Variants in KRT37 observed in about 807,000 individuals in gnomAD.
KRT37 encodes the protein keratin, type I cuticular Ha7.
KRT37 carries 38 observed loss-of-function variants against 41.9 expected under a neutral mutation model. The observed-to-expected ratio is 0.91, with a 90% CI of 0.70 to 1.19. The LOEUF (loss-of-function observed/expected upper bound fraction) is 1.19. KRT37 is among the 50% of genes most tolerant of loss of function. KRT37 has a pLI of 0.00. For synonymous variants in KRT37, 252 were observed against 243.4 expected (o/e 1.04, Z -0.33); for missense variants, 580 against 575.5 (o/e 1.01, Z -0.08).
rs72485487 is a variant in KRT37, at chr17:41,424,564, G to T, written c.-41C>A. 35 of 1,525,570 alleles carry T rather than the reference G, an allele frequency of 2.3e-5. No individual in the cohort carries two copies. In the East Asian group the frequency reaches 7.7e-4, roughly 34 times the overall value. The allele number at this position is 1,525,570 out of a possible 1,614,324, so 94.5% of individuals were successfully genotyped here. On this transcript the variant is annotated 5_prime_UTR_variant, in exon 1 of 7. Coordinates refer to ENST00000225550, the MANE Select transcript of KRT37 (RefSeq NM_003770.5). Reference sequence around the variant, plus strand: ...CTGCACAGGAGCTTCAGATCAGCTGGGAAGGCTGAGCCACTGAGACTGAAG... The same window carrying T: ...CTGCACAGGAGCTTCAGATCAGCTGTGAAGGCTGAGCCACTGAGACTGAAG...
rs556300252 is a variant in KRT37, at chr17:41,422,854, A to C, written c.656T>G (p.Leu219Arg). The C allele has an allele frequency of 1.2e-6, 2 of 1,614,110 alleles. No homozygotes were observed. Among genetic ancestry groups the C allele is most frequent in the Admixed American group, 3.3e-5 (2 of 60,026 alleles). Residue 219 changes from leucine to arginine, a missense_variant, in exon 3 of 7, where the codon CTG becomes CGG. Coordinates refer to ENST00000225550, the MANE Select transcript of KRT37 (RefSeq NM_003770.5). ...CTGGGCCTCCAGGTCGGCCTTGGCC[A>C]GGGTCGCGTCATCCAGGAGCTTCTG... ...GTQKLLDDAT[L>R]AKADLEAQQE...
In KRT37 at chr17:41,422,777, C is replaced by G. The variant is rs554203988; in HGVS notation, c.732+1G>C. 6.3e-7 allele frequency: 1 copy of G among 1,595,392 alleles called. No homozygotes were observed. The highest frequency in any genetic ancestry group is 1.3e-5 in the African/African-American group (1 of 74,906). On this transcript the variant is annotated splice_donor_variant, in intron 3 of 6. Transcript: ENST00000225550. LOFTEE classifies it high-confidence loss of function. ...AGGAGTCTGAGCAGCCAGGGCCACA[C>G]CTGCTCGTGGTTGCTCTTGAGGGAG...
Position 41,424,317 on chromosome 17 carries a change from C to T in KRT37, c.207G>A (p.Leu69=), listed in dbSNP as rs775355067. The change falls in exon 1 of 7, where the codon CTG becomes CTA. Residue 69 remains leucine (L), a synonymous_variant. Transcript: ENST00000225550. ...STPLGRPSLC[L]PPTSHTACPL... is the part of the protein sequence containing the mutation. ...GACAAGCAGTGTGACTGGTTGGGGGCAGACAGAGGCTGGGGCGGCCCAGGG... is the reference window on the plus strand; with the variant it reads ...GACAAGCAGTGTGACTGGTTGGGGGTAGACAGAGGCTGGGGCGGCCCAGGG... The T allele has an allele frequency of 3.7e-6, 6 of 1,614,104 alleles. No homozygotes were observed. The East Asian group carries it at 1.3e-4, about 36-fold the overall frequency.
At position 41,421,431 on chromosome 17, in the gene KRT37, C is replaced by A. The variant is rs141724873; in HGVS notation, c.1177G>T (p.Val393Leu). Reference sequence around the variant, plus strand: ...ATCTCGTTCTCCAACCGGGCCTTCACGTCCAGCAGCACCTGGTACTCCTGG... The same window carrying A: ...ATCTCGTTCTCCAACCGGGCCTTCAAGTCCAGCAGCACCTGGTACTCCTGG... ...QNQEYQVLLD[V>L]KARLENEIAT... The change falls in exon 6 of 7, where the codon GTG becomes TTG. Residue 393 changes from valine to leucine, a missense_variant. Physicochemically the swap from Val to Leu is conservative, Grantham distance 32 (BLOSUM62 1). Coordinates refer to ENST00000225550, the MANE Select transcript of KRT37 (RefSeq NM_003770.5). 7 of 1,614,236 alleles carry A rather than the reference C, an allele frequency of 4.3e-6. No individual in the cohort carries two copies. The South Asian group carries it at 6.6e-5, about 15-fold the overall frequency.
rs200793398 is a variant in KRT37 at position 41,424,275 on chromosome 17, A to G, written c.249T>C (p.Cys83=). The G allele has an allele frequency of 1.9e-5, 30 of 1,614,100 alleles. No individual in the cohort carries two copies. Among genetic ancestry groups the G allele is most frequent in the South Asian group, 2.2e-5 (2 of 91,088 alleles). ...AGATTCCGATGTTGCCGGGAATGTGACAGGTCCCTGGCAAGGGACAAGCAG... is the reference window on the plus strand; with the variant it reads ...AGATTCCGATGTTGCCGGGAATGTGGCAGGTCCCTGGCAAGGGACAAGCAG... The part of the protein sequence containing the change: ...SHTACPLPGT[C]HIPGNIGICG... Residue 83 remains cysteine, a synonymous_variant, in exon 1 of 7, where the codon TGT becomes TGC. Coordinates refer to ENST00000225550, the MANE Select transcript of KRT37 (RefSeq NM_003770.5).
Position 41,420,838 on chromosome 17 carries a change from A to G in KRT37, c.*40T>C, listed in dbSNP as rs745698408. The G allele has an allele frequency of 1.4e-6, 2 of 1,414,276 alleles. No homozygotes were observed. Among genetic ancestry groups the G allele is most frequent in the Admixed American group, 3.4e-5 (2 of 58,824 alleles). The allele number at this position is 1,414,276 out of a possible 1,614,324, so 87.6% of individuals were successfully genotyped here. ...GCAAGGTGAGGGCACTCCTGACCCCAGTGCAACCAGCCTCAATCTCCTAAC... is the reference window on the plus strand; with the variant it reads ...GCAAGGTGAGGGCACTCCTGACCCCGGTGCAACCAGCCTCAATCTCCTAAC... On this transcript the variant is annotated 3_prime_UTR_variant, in exon 7 of 7. Coordinates refer to ENST00000225550, the MANE Select transcript of KRT37 (RefSeq NM_003770.5).
At chr17:41,421,285 C>A in intron 6 of KRT37, 82 bp downstream of exon 6, 1 of 1,424,794 alleles carries the variant, frequency 7.0e-7, no homozygotes, top group Non-Finnish European at 9.8e-7. Context: ...AAGATGATAT[C>A]TTCTGCAAGC....
chr17:41,422,961 A>G (rs369109878), intron 2 of KRT37, 27 bp from the exon 3 acceptor site: 3 of 1,602,196 alleles, frequency 1.9e-6, no homozygotes, highest in Non-Finnish European at 2.6e-6. Context: ...CACAGGGTCA[A>G]AAAGAATGCC....
intron 5 of KRT37, 35 bp downstream of exon 5, chr17:41,422,034 G>A (rs182666649): frequency 1.9e-6 from 3 of 1,614,024 alleles, no homozygotes; most frequent in East Asian, 4.5e-5. Flanking sequence ...ATGGCATGGG[G>A]CATTTGCAGT....
In KRT37 at chr17:41,422,908, T is replaced by A. The variant is rs761671486; in HGVS notation, c.602A>T (p.Gln201Leu). ...CCCGCACTTGTCCGCCTCCACCAGC[T>A]GGTGAAGGGAGCGCTCACTCTCCAG... ...IKLESERSLH[Q>L]LVEADKCGTQ... The change falls in exon 3 of 7, where the codon CAG becomes CTG. Residue 201 changes from glutamine to leucine, a missense_variant. Transcript: ENST00000225550. 1.9e-6 allele frequency: 3 copies of A among 1,613,990 alleles called. No homozygotes were observed. The highest frequency in any genetic ancestry group is 2.5e-6 in the Non-Finnish European group (3 of 1,179,936).
At chr17:41,421,266 T>A (rs2018535289) in intron 6 of KRT37, 101 bp downstream of exon 6, 2 of 1,262,202 alleles carry the variant, frequency 1.6e-6, no homozygotes, top group Non-Finnish European at 2.3e-6. Context: ...ACAGGAAGGC[T>A]TGTTTGTTAA....
At chr17:41,422,487 A>G in intron 3 of KRT37, 53 bp from the exon 4 acceptor site, 1 of 1,599,442 alleles carries the variant, frequency 6.3e-7, no homozygotes, top group South Asian at 1.1e-5. Flanking sequence ...CCTTTGATGG[A>G]GCAGACAGCA....
chr17:41,423,269 A>T lies in KRT37; in HGVS notation c.576-335T>A, dbSNP rs572661094. 2.0e-4 allele frequency: 61 copies of T among 301,978 alleles called. No individual in the cohort carries two copies. The South Asian group carries it at 8.1e-3, about 40-fold the overall frequency. 18.7% of individuals were successfully genotyped at this position (301,978 alleles called of 1,614,324 possible). On this transcript the variant is annotated intron_variant, in intron 2 of 6. Transcript: ENST00000225550. ...TGGCCAGGAAAAAGAATGGCTAAAAATAAGCCTCTGGACCTTCAGTTTGCT... is the reference window on the plus strand; with the variant it reads ...TGGCCAGGAAAAAGAATGGCTAAAATTAAGCCTCTGGACCTTCAGTTTGCT...
chr17:41,423,328 T>C (rs2144399072), intron 2 of KRT37: 1 of 245,242 alleles, frequency 4.1e-6, no homozygotes, highest in East Asian at 8.5e-5. Context: ...TTCTCGTTGT[T>C]TTCTTGCTTT....
In KRT37 at chr17:41,423,866, T is replaced by C. The variant is rs1054937340; in HGVS notation, c.493-22A>G. On this transcript the variant is annotated intron_variant, in intron 1 of 6. Transcript: ENST00000225550. ...GGATCTGAGGAAAACGGAAAGACGG[T>C]TCACACACAAAGCACCATACTCTAA... The C allele has an allele frequency of 2.5e-6, 4 of 1,613,576 alleles. No homozygotes were observed. The African/African-American group carries it at 5.3e-5, about 22-fold the overall frequency.
chr17:41,424,371 G>A lies in KRT37; in HGVS notation c.153C>T (p.His51=), dbSNP rs767645632. The change falls in exon 1 of 7, where the codon CAC becomes CAT. Residue 51 remains histidine, a synonymous_variant. Coordinates refer to ENST00000225550, the MANE Select transcript of KRT37 (RefSeq NM_003770.5). ...ASMCLLANVA[H]ANRVRVGSTP... ...TCGACCCCACACGGACTCTGTTGGC[G>A]TGTGCCACGTTGGCCAAGAGGCACA... 41 of 1,613,808 alleles carry A rather than the reference G, an allele frequency of 2.5e-5. 1 individual carries two copies. Among genetic ancestry groups the A allele is most frequent in the South Asian group, 1.1e-4 (10 of 91,094 alleles).
intron 6 of KRT37, 82 bp from the exon 7 acceptor site, chr17:41,421,068 G>T: frequency 2.7e-6 from 3 of 1,097,988 alleles, no homozygotes; most frequent in South Asian, 1.4e-5. Context: ...TGAAGGCTGG[G>T]CCTGCCACCA....
rs759273484 is a variant in KRT37 at position 41,422,780 on chromosome 17, G to T, written c.730C>A (p.Gln244Lys). The change falls in exon 3 of 7, where the codon CAG becomes AAG. Residue 244 changes from glutamine to lysine, a missense_variant and splice_region_variant. Gln to Lys is a moderately conservative substitution (Grantham distance 53, BLOSUM62 1). Coordinates refer to ENST00000225550, the MANE Select transcript of KRT37 (RefSeq NM_003770.5). ...EQLSLKSNHE[Q>K]EVKILRSQLG... ...AGTCTGAGCAGCCAGGGCCACACCT[G>T]CTCGTGGTTGCTCTTGAGGGAGAGC... 1.9e-6 allele frequency: 3 copies of T among 1,599,592 alleles called. No individual in the cohort carries two copies. The South Asian group carries it at 3.4e-5, about 18-fold the overall frequency.
Position 41,422,156 on chromosome 17 carries a change from C to A in KRT37, c.933G>T (p.Glu311Asp), listed in dbSNP as rs1219343715. The change falls in exon 5 of 7, where the codon GAG (glutamate) becomes GAT (aspartate). Residue 311 changes from glutamate to aspartate, a missense_variant. Transcript: ENST00000225550. ...TCTCCGACTGGCAGCACTGCAGCTCCTCGGAGCAGGACATGGCCTGCAGGC... is the reference window on the plus strand; with the variant it reads ...TCTCCGACTGGCAGCACTGCAGCTCATCGGAGCAGGACATGGCCTGCAGGC... Reference protein sequence around the residue: ...GISLQAMSCSEELQCCQSEIL... With the variant: ...GISLQAMSCSDELQCCQSEIL... The A allele has an allele frequency of 5.0e-6, 8 of 1,614,084 alleles. No homozygotes were observed. Among genetic ancestry groups the A allele is most frequent in the Middle Eastern group, 1.6e-4 (1 of 6,084 alleles).
Sources: gnomAD v4.1 joint callset for allele counts on GRCh38, gnomAD v4.1.1 for gene constraint, MANE v1.5 for transcripts, NCBI Gene and HGNC (gene_info 2026-07-23, HGNC 2026-07-21) for gene names.